Variants in ABHD18 observed in about 807,000 individuals in gnomAD.
ABHD18 encodes cardiolipin-specific deacylase, mitochondrial.
A neutral mutation model predicts 65.9 loss-of-function variants in ABHD18; 55 were observed. The observed-to-expected ratio is 0.84, with a 90% CI of 0.67 to 1.05. ABHD18 has a LOEUF of 1.05. Among genes scored for constraint, ABHD18 ranks in the 50% least tolerant of loss-of-function variants. The pLI, the probability that ABHD18 is intolerant of heterozygous loss-of-function variation, is 0.00. For synonymous variants in ABHD18, 181 were observed against 180.2 expected (o/e 1.00, Z -0.04); for missense variants, 533 against 558.5 (o/e 0.95, Z 0.46).
intron 10 of ABHD18, among the ~76,000 whole-genome samples, chr4:128,022,507 T>C (rs928728752): frequency 6.6e-6 from 1 of 152,144 alleles, no homozygotes; most frequent in Admixed American, 6.6e-5. Context: ...TGATTATCTC[T>C]TTTTTTATGA....
chr4:128,006,516 C>A (rs1481212039), intron 4 of ABHD18, among the ~76,000 whole-genome samples: 1 of 152,150 alleles, frequency 6.6e-6, no homozygotes, highest in Non-Finnish European at 1.5e-5. Context: ...AATTTATTGA[C>A]AGTGGATAAG....
At chr4:128,016,394 G>T (rs1037812269) in intron 7 of ABHD18, among the ~76,000 whole-genome samples, 4 of 152,116 alleles carry the variant, frequency 2.6e-5, no homozygotes, top group African/African-American at 9.6e-5. Flanking sequence ...TATGTATTTT[G>T]TGAAAATAAG....
chr4:128,008,937 C>T lies in ABHD18; in HGVS notation c.296C>T (p.Pro99Leu). The change falls in exon 5 of 13, where the codon CCT (proline) becomes CTT (leucine). Residue 99 changes from proline to leucine, a missense_variant. By Grantham distance (98) the Pro-to-Leu change is moderately conservative. Transcript: ENST00000645843. ...SVIARFQFIV[P>L]KEWNSKYRPV... is the part of the protein sequence containing the mutation. ...AAAAATAGGTTCCAATTTATTGTGC[C>T]TAAAGAATGGAACAGCAAATATAGA... The T allele has an allele frequency of 6.2e-7, 1 of 1,606,902 alleles. No homozygotes were observed. Among genetic ancestry groups the T allele is most frequent in the Non-Finnish European group, 8.5e-7 (1 of 1,177,534 alleles).
chr4:128,020,247 C>T (rs892112500), intron 9 of ABHD18, 78 bp downstream of exon 9: 5 of 1,003,910 alleles, frequency 5.0e-6, no homozygotes, highest in Non-Finnish European at 7.7e-6. Context: ...CAAAACCACC[C>T]TCAGCTTTGG....
At chr4:128,017,020 C>A (rs974579851) in intron 7 of ABHD18, among the ~76,000 whole-genome samples, 1 of 151,986 alleles carries the variant, frequency 6.6e-6, no homozygotes, top group South Asian at 2.1e-4. Context: ...CAGGTTCAAG[C>A]GATTTTCATG....
intron 1 of ABHD18, among the ~76,000 whole-genome samples, chr4:127,967,972 A>T (rs1746000254): frequency 6.6e-6 from 1 of 152,182 alleles, no homozygotes. Flanking sequence ...TTGTAATCCC[A>T]GCACTTTGGG....
At position 128,039,324 on chromosome 4, in the gene ABHD18, G is replaced by A. The variant is rs1484595693; in HGVS notation, c.*3511G>A. On this transcript the variant is annotated 3_prime_UTR_variant, in exon 13 of 13. Transcript: ENST00000645843. The stretch of plus-strand genomic sequence containing the variant: ...AGTTTGACCCACAGTTATTTTATTA[G>A]ATGTACATAATGTTTCAAAAATGTT... The A allele has an allele frequency of 6.6e-6, 1 of 151,790 alleles. No homozygotes were observed. Among genetic ancestry groups the A allele is most frequent in the Admixed American group, 6.6e-5 (1 of 15,210 alleles). 9.4% of individuals were successfully genotyped at this position (151,790 alleles called of 1,614,324 possible).
intron 8 of ABHD18, 80 bp from the exon 9 acceptor site, chr4:128,020,000 G>T (rs769408339): frequency 5.5e-6 from 5 of 911,004 alleles, no homozygotes; most frequent in African/African-American, 1.7e-5. Context: ...TTTACTGCAC[G>T]GAATGCTTAT....
At chr4:127,996,554 C>T (rs149827151) in intron 4 of ABHD18, among the ~76,000 whole-genome samples, 74 of 152,238 alleles carry the variant, frequency 4.9e-4, no homozygotes, top group African/African-American at 1.7e-3. Flanking sequence ...GTCTATGTCC[C>T]GCTGTACATG....
At position 128,037,072 on chromosome 4, in the gene ABHD18, T is replaced by C. The variant is rs942703814; in HGVS notation, c.*1259T>C. 1 of 138,738 alleles carries C rather than the reference T, an allele frequency of 7.2e-6. No individual in the cohort carries two copies. The highest frequency in any genetic ancestry group is 1.5e-5 in the Non-Finnish European group (1 of 66,466). The allele number at this position is 138,738 out of a possible 1,614,324, so 8.6% of individuals were successfully genotyped here. On this transcript the variant is annotated 3_prime_UTR_variant, in exon 13 of 13. Transcript: ENST00000645843. ...AGGCGGAGGTTGCACTGAGCTGAGA[T>C]TGCGCCACTGCACTCCAGCCTGGGC... is the stretch of plus-strand genomic sequence containing the variant.
intron 2 of ABHD18, 76 bp from the exon 3 acceptor site, chr4:127,984,259 TAATC>T: frequency 1.4e-6 from 1 of 706,840 alleles, no homozygotes; most frequent in African/African-American, 1.8e-5. Flanking sequence ...TAATTACTGT[TAATC>T]AGTCTCAATT....
rs750590527 is a variant in ABHD18 at position 128,020,181 on chromosome 4, G to A, written c.699+12G>A. ...GGGTCTTCACTACGGTAATTTAATT[G>A]TAATTAATATTAGGTAGCTATATAT... On this transcript the variant is annotated intron_variant, in intron 9 of 12. Coordinates refer to ENST00000645843, the MANE Select transcript of ABHD18 (RefSeq NM_001358451.3). The A allele has an allele frequency of 6.3e-7, 1 of 1,594,420 alleles. No homozygotes were observed. Among genetic ancestry groups the A allele is most frequent in the South Asian group, 1.1e-5 (1 of 89,994 alleles).
intron 7 of ABHD18, among the ~76,000 whole-genome samples, chr4:128,015,120 C>CT (rs1283951363): frequency 2.0e-5 from 3 of 151,654 alleles, no homozygotes; most frequent in Non-Finnish European, 4.4e-5. Context: ...TGGTGCACAC[C>CT]TGTAGTCCCA....
intron 7 of ABHD18, among the ~76,000 whole-genome samples, chr4:128,014,171 CAG>C (rs570909373): frequency 1.6e-3 from 240 of 151,738 alleles, no homozygotes; most frequent in Middle Eastern, 6.8e-3. Flanking sequence ...TTAGTAGAGA[CAG>C]GGTTTCTCCA....
At chr4:127,977,980 A>C (rs1412928194) in intron 1 of ABHD18, among the ~76,000 whole-genome samples, 1 of 152,162 alleles carries the variant, frequency 6.6e-6, no homozygotes, top group African/African-American at 2.4e-5. Flanking sequence ...GAGAAGACTA[A>C]AACTCACAAT....
intron 12 of ABHD18, among the ~76,000 whole-genome samples, chr4:128,031,529 T>C (rs1758217055): frequency 6.6e-6 from 1 of 152,200 alleles, no homozygotes; most frequent in Admixed American, 6.5e-5. Flanking sequence ...TATTGAAACA[T>C]ATTCCTCATG....
chr4:127,971,833 T>G (rs1159078206), intron 1 of ABHD18, among the ~76,000 whole-genome samples: 1 of 152,062 alleles, frequency 6.6e-6, no homozygotes, highest in Non-Finnish European at 1.5e-5. Flanking sequence ...AATCAGAATT[T>G]TGGTAAAGAG....
chr4:127,983,155 C>T, intron 2 of ABHD18, 108 bp downstream of exon 2: 1 of 666,572 alleles, frequency 1.5e-6, no homozygotes, highest in South Asian at 2.2e-5. Flanking sequence ...AATTGTCCAG[C>T]AAATTAAACT....
At chr4:127,969,655 C>A (rs1746343595) in intron 1 of ABHD18, among the ~76,000 whole-genome samples, 1 of 152,048 alleles carries the variant, frequency 6.6e-6, no homozygotes, top group Non-Finnish European at 1.5e-5. Context: ...TTGGTTTTAT[C>A]TACCAATCTA....
Sources: allele counts gnomAD v4.1 joint callset (sites outside exome capture counted in the v4.1 genomes callset), GRCh38; gene constraint gnomAD v4.1.1; transcripts MANE v1.5; gene names NCBI Gene and HGNC (gene_info 2026-07-23, HGNC 2026-07-21).